HS6ST3: variants seen among roughly 807,000 people sequenced by gnomAD.
HS6ST3 encodes the protein heparan-sulfate 6-O-sulfotransferase 3.
HS6ST3 carries 12 observed loss-of-function variants against 36.7 expected under a neutral mutation model. The ratio of observed to expected loss-of-function variants is 0.33; its 90% confidence interval spans 0.21 to 0.53. The LOEUF is 0.53. Ranked by LOEUF, HS6ST3 falls within the 20% of genes least tolerant of loss-of-function variation. The pLI, the probability that HS6ST3 is intolerant of heterozygous loss-of-function variation, is 0.95. For missense variants in HS6ST3, 584 were observed against 640.9 expected, an observed-to-expected ratio of 0.91 and a Z score of 0.96; for synonymous variants, 240 against 257.5, an observed-to-expected ratio of 0.93 and a Z score of 0.65.
At chr13:96,313,290 A>G (rs1441425484) in intron 1 of HS6ST3, among the ~76,000 whole-genome samples, 1 of 151,678 alleles carries the variant, frequency 6.6e-6, no homozygotes, top group African/African-American at 2.4e-5. Context: ...AGGTTTTTAA[A>G]AAGAATTGCA....
At chr13:96,479,298 TC>T (rs2055878880) in intron 1 of HS6ST3, among the ~76,000 whole-genome samples, 1 of 152,158 alleles carries the variant, frequency 6.6e-6, no homozygotes, top group Admixed American at 6.5e-5. Context: ...TAATGGTAGT[TC>T]CAGAGAAATC....
chr13:96,625,877 G>C (rs760652893), intron 1 of HS6ST3, among the ~76,000 whole-genome samples: 3 of 148,302 alleles, frequency 2.0e-5, no homozygotes, highest in Non-Finnish European at 4.4e-5. Context: ...GTCTTGCTCT[G>C]TCACCCAGGC....
chr13:96,460,974 T>C (rs1699147744), intron 1 of HS6ST3, among the ~76,000 whole-genome samples: 1 of 152,224 alleles, frequency 6.6e-6, no homozygotes, highest in Non-Finnish European at 1.5e-5. Flanking sequence ...CAACCCACTG[T>C]AGGCTTTTAA....
chr13:96,448,104 G>A (rs2055708098), intron 1 of HS6ST3, among the ~76,000 whole-genome samples: 1 of 152,142 alleles, frequency 6.6e-6, no homozygotes, highest in Non-Finnish European at 1.5e-5. Context: ...GCTGATTGAA[G>A]CCAGAGCTAT....
rs560164794 is a variant in HS6ST3, at chr13:96,659,911, A to G, written c.708-172579A>G. Among the ~76,000 whole-genome samples, 55 of 152,256 alleles carry G rather than the reference A, an allele frequency of 3.6e-4. No individual in the cohort carries two copies. In the East Asian group the frequency reaches 8.3e-3, roughly 23 times the overall value. On this transcript the variant is annotated intron_variant, in intron 1 of 1. Transcript: ENST00000376705. ...AAGATGTGTTTTGTAACTTTTTAGC[A>G]CTTATTATATTAGGGTTATATTTTC...
At chr13:96,126,730 A>C (rs1388736225) in intron 1 of HS6ST3, among the ~76,000 whole-genome samples, 1 of 152,166 alleles carries the variant, frequency 6.6e-6, no homozygotes, top group Non-Finnish European at 1.5e-5. Context: ...CGACTCTTTC[A>C]TCACTGTTGT....
chr13:96,113,610 G>A (rs2053880524), intron 1 of HS6ST3, among the ~76,000 whole-genome samples: 1 of 152,184 alleles, frequency 6.6e-6, no homozygotes, highest in Middle Eastern at 3.4e-3. Flanking sequence ...ACATTAAAAA[G>A]CATAGATATA....
At chr13:96,425,853 AAAT>A (rs2139471124) in intron 1 of HS6ST3, among the ~76,000 whole-genome samples, 1 of 152,170 alleles carries the variant, frequency 6.6e-6, no homozygotes, top group East Asian at 1.9e-4. Flanking sequence ...TCAATAGGTT[AAAT>A]ATTAGGAAAC....
chr13:96,704,556 G>A (rs1338913693), intron 1 of HS6ST3, among the ~76,000 whole-genome samples: 1 of 152,134 alleles, frequency 6.6e-6, no homozygotes, highest in African/African-American at 2.4e-5. Context: ...ATTCAATATA[G>A]AATTAAGGTG....
chr13:96,325,720 T>G (rs571764475), intron 1 of HS6ST3, among the ~76,000 whole-genome samples: 8 of 152,180 alleles, frequency 5.3e-5, no homozygotes, highest in Non-Finnish European at 1.2e-4. Context: ...CATTAATGAC[T>G]GGGACTATGA....
chr13:96,647,394 T>G (rs2056592321), intron 1 of HS6ST3, among the ~76,000 whole-genome samples: 1 of 152,052 alleles, frequency 6.6e-6, no homozygotes, highest in African/African-American at 2.4e-5. Context: ...ATTCTATTCT[T>G]CAACAAAGTT....
At position 96,593,174 on chromosome 13, in the gene HS6ST3, C is replaced by CTTTTTTTTTTTTTT. The variant is rs35380296; in HGVS notation, c.708-239302_708-239289dup. Among the ~76,000 whole-genome samples, 12 of 46,622 alleles carry CTTTTTTTTTTTTTT rather than the reference C, an allele frequency of 2.6e-4. 4 individuals are homozygous for CTTTTTTTTTTTTTT. Among genetic ancestry groups the CTTTTTTTTTTTTTT allele is most frequent in the South Asian group, 2.9e-3 (2 of 700 alleles). 30.6% of individuals were successfully genotyped at this position (46,622 alleles called of 152,430 possible). ...CTCTGACTGTGTATTTTCTTTCTTTCTTTTTTTTTTTTTTTTTTTTTTTTT... is the reference window on the plus strand; with the variant it reads ...CTCTGACTGTGTATTTTCTTTCTTTCTTTTTTTTTTTTTTTTTTTTTTTTTTTTTTTTTTTTTTT... On this transcript the variant is annotated intron_variant, in intron 1 of 1. Transcript: ENST00000376705.
chr13:96,674,845 C>T (rs1027281052), intron 1 of HS6ST3, among the ~76,000 whole-genome samples: 3 of 152,110 alleles, frequency 2.0e-5, no homozygotes, highest in African/African-American at 7.2e-5. Flanking sequence ...GTGTTGATGC[C>T]TGTCACTTGC....
intron 1 of HS6ST3, among the ~76,000 whole-genome samples, chr13:96,607,780 A>AT (rs1193491725): frequency 3.9e-5 from 6 of 152,208 alleles, no homozygotes; most frequent in Non-Finnish European, 8.8e-5. Context: ...TGAGAATCAG[A>AT]TTTTTGGTTT....
At chr13:96,669,197 A>G (rs531814523) in intron 1 of HS6ST3, among the ~76,000 whole-genome samples, 1 of 152,288 alleles carries the variant, frequency 6.6e-6, no homozygotes, top group East Asian at 1.9e-4. Context: ...TATAAACCCT[A>G]TATGGATATT....
intron 1 of HS6ST3, among the ~76,000 whole-genome samples, chr13:96,361,601 C>T (rs1390044025): frequency 2.0e-5 from 3 of 152,130 alleles, no homozygotes; most frequent in African/African-American, 4.8e-5. Flanking sequence ...AGAGAGCGGG[C>T]TGCTTGCTTA....
intron 1 of HS6ST3, among the ~76,000 whole-genome samples, chr13:96,438,362 A>G (rs2055653224): frequency 6.6e-6 from 1 of 152,342 alleles, no homozygotes; most frequent in East Asian, 1.9e-4. Flanking sequence ...ATCATACTGC[A>G]TACTCTTATG....
At chr13:96,403,177 A>G (rs1444479336) in intron 1 of HS6ST3, among the ~76,000 whole-genome samples, 3 of 152,172 alleles carry the variant, frequency 2.0e-5, no homozygotes, top group Admixed American at 6.6e-5. Context: ...TGGCCCTGCA[A>G]ACATCTTTGT....
At chr13:96,338,513 G>T (rs2055113442) in intron 1 of HS6ST3, among the ~76,000 whole-genome samples, 1 of 152,178 alleles carries the variant, frequency 6.6e-6, no homozygotes, top group African/African-American at 2.4e-5. Context: ...ACCTGGCCAA[G>T]AAGAGTTAGA....
Sources: gnomAD v4.1 joint callset for allele counts (sites outside exome capture counted in the v4.1 genomes callset) on GRCh38, gnomAD v4.1.1 for gene constraint, MANE v1.5 for transcripts, NCBI Gene and HGNC (gene_info 2026-07-23, HGNC 2026-07-21) for gene names.